The following TCF4 variants were observed in gnomAD, a reference collection of about 807,000 sequenced individuals.
TCF4 encodes the protein SL3-3 enhancer factor 2.
Under a neutral mutation model 82.1 loss-of-function variants are expected in TCF4, and 3 were observed. That is an observed-to-expected ratio of 0.04 (90% CI 0.02 to 0.09). The LOEUF (loss-of-function observed/expected upper bound fraction) is 0.09, where lower values mean the gene tolerates loss of function less well. Among genes scored for constraint, TCF4 ranks in the 10% least tolerant of loss-of-function variants. The probability of loss-of-function intolerance (pLI) is 1.00; values close to 1 mark genes in which losing one functional copy is unlikely to be tolerated. For synonymous variants in TCF4, 276 were observed against 309.6 expected (o/e 0.89, Z 1.14); for missense variants, 518 against 852.7 (o/e 0.61, Z 4.89).
intron 2 of TCF4, among the ~76,000 whole-genome samples, chr18:55,617,649 C>A (rs2097713406): frequency 6.6e-6 from 1 of 151,960 alleles, no homozygotes. Context: ...TCTGTCACTT[C>A]CTTGGTTATG....
intron 8 of TCF4, among the ~76,000 whole-genome samples, chr18:55,322,723 C>T (rs1371724818): frequency 6.6e-6 from 1 of 152,246 alleles, no homozygotes; most frequent in African/African-American, 2.4e-5. Flanking sequence ...CAAGGGCGCA[C>T]GTTCTCCACT....
intron 15 of TCF4, among the ~76,000 whole-genome samples, chr18:55,254,155 T>G (rs1568468147): frequency 6.6e-6 from 1 of 152,208 alleles, no homozygotes; most frequent in Admixed American, 6.5e-5. Context: ...ATTCCATATA[T>G]TCAAAATATC....
At chr18:55,460,894 T>C (rs1346856929) in intron 5 of TCF4, 125 bp downstream of exon 5, 2 of 804,862 alleles carry the variant, frequency 2.5e-6, no homozygotes, top group Non-Finnish European at 4.2e-6. Flanking sequence ...TTTAAGATTA[T>C]TACAAGTGAA....
rs544410120 is a variant in TCF4, at chr18:55,388,889, C to T, written c.369+14565G>A. Among the ~76,000 whole-genome samples, 12 of 152,052 alleles carry T rather than the reference C, an allele frequency of 7.9e-5. No homozygotes were observed. The South Asian group carries it at 2.3e-3, about 29-fold the overall frequency. ...CTGTAATCTCAGCACTTTGGGAGGC[C>T]GAGGCGGGTGGATCACGAGGTCAGG... On this transcript the variant is annotated intron_variant, in intron 6 of 19. Coordinates refer to ENST00000354452, the MANE Select transcript of TCF4 (RefSeq NM_001083962.2).
At chr18:55,263,151 A>T (rs906297705) in intron 11 of TCF4, among the ~76,000 whole-genome samples, 1 of 152,130 alleles carries the variant, frequency 6.6e-6, no homozygotes, top group Non-Finnish European at 1.5e-5. Context: ...ACCCACACCC[A>T]TATTTATTTG....
rs537779499 is a variant in TCF4 at position 55,251,776 on chromosome 18, T to G, written c.1350+2721A>C. ...GAATGAGACTCTCACCAGTGCTCTCTGCTGAAGTTTCCGGTGCATACCTCC... is the reference window on the plus strand; with the variant it reads ...GAATGAGACTCTCACCAGTGCTCTCGGCTGAAGTTTCCGGTGCATACCTCC... On this transcript the variant is annotated intron_variant, in intron 15 of 19. Transcript: ENST00000354452. Among the ~76,000 whole-genome samples, 3 of 152,336 alleles carry G rather than the reference T, an allele frequency of 2.0e-5. No individual in the cohort carries two copies. In the East Asian group the frequency reaches 5.8e-4, roughly 29 times the overall value.
intron 5 of TCF4, among the ~76,000 whole-genome samples, chr18:55,412,617 G>A (rs922572132): frequency 6.6e-6 from 1 of 152,114 alleles, no homozygotes; most frequent in African/African-American, 2.4e-5. Flanking sequence ...TTCTGTGGAG[G>A]CATGACAAGT....
chr18:55,257,215 A>T, intron 14 of TCF4, 100 bp downstream of exon 14: 1 of 1,241,268 alleles, frequency 8.1e-7, no homozygotes, highest in Non-Finnish European at 1.2e-6. Flanking sequence ...ACTTAAAGTT[A>T]CTAACAGGGA....
At chr18:55,601,357 A>C (rs945018900) in intron 2 of TCF4, among the ~76,000 whole-genome samples, 1 of 152,046 alleles carries the variant, frequency 6.6e-6, no homozygotes, top group Non-Finnish European at 1.5e-5. Context: ...GACCAGATTC[A>C]CATTCCAAAG....
chr18:55,434,796 G>GTGTGTA (rs1469947502), intron 5 of TCF4, among the ~76,000 whole-genome samples: 1 of 150,590 alleles, frequency 6.6e-6, no homozygotes, highest in African/African-American at 2.4e-5. Flanking sequence ...GTGTGTGTGT[G>GTGTGTA]TATTTTAATT....
intron 3 of TCF4, among the ~76,000 whole-genome samples, chr18:55,545,446 TTG>T (rs1288914302): frequency 2.0e-5 from 3 of 152,014 alleles, no homozygotes; most frequent in Non-Finnish European, 4.4e-5. Context: ...TTTTTTTGTT[TTG>T]TTTTGTTTTT....
At chr18:55,252,323 T>C (rs1479676766) in intron 15 of TCF4, among the ~76,000 whole-genome samples, 1 of 151,800 alleles carries the variant, frequency 6.6e-6, no homozygotes, top group Non-Finnish European at 1.5e-5. Flanking sequence ...AACAGGAACT[T>C]ATCCTTATCA....
At chr18:55,263,323 C>T (rs2058436117) in intron 11 of TCF4, among the ~76,000 whole-genome samples, 1 of 152,014 alleles carries the variant, frequency 6.6e-6, no homozygotes, top group Non-Finnish European at 1.5e-5. Context: ...AAATGAGGGT[C>T]TGACATCATA....
chr18:55,334,866 T>C (rs1162399393), intron 8 of TCF4, among the ~76,000 whole-genome samples: 3 of 152,224 alleles, frequency 2.0e-5, no homozygotes, highest in Non-Finnish European at 4.4e-5. Context: ...TTAAATGGCT[T>C]AATATCTAAA....
intron 15 of TCF4, among the ~76,000 whole-genome samples, chr18:55,251,615 T>G (rs905325185): frequency 6.6e-6 from 1 of 152,162 alleles, no homozygotes; most frequent in African/African-American, 2.4e-5. Context: ...TTCAGAGCTG[T>G]CTACTCTTTA....
intron 5 of TCF4, among the ~76,000 whole-genome samples, chr18:55,458,771 A>T (rs1192015104): frequency 6.6e-6 from 1 of 152,184 alleles, no homozygotes. Flanking sequence ...TCTTAAAAAA[A>T]TTATTCTTCT....
chr18:55,574,540 T>C (rs1475146965), intron 3 of TCF4, among the ~76,000 whole-genome samples: 1 of 152,214 alleles, frequency 6.6e-6, no homozygotes, highest in Non-Finnish European at 1.5e-5. Flanking sequence ...AATTAAATCA[T>C]GTTGGCCAGG....
At chr18:55,573,691 GC>G (rs2097499606) in intron 3 of TCF4, among the ~76,000 whole-genome samples, 1 of 152,146 alleles carries the variant, frequency 6.6e-6, no homozygotes, top group South Asian at 2.1e-4. Flanking sequence ...TGATCTCTGA[GC>G]CCTTCCTGAC....
chr18:55,430,896 A>G (rs2095170635), intron 5 of TCF4, among the ~76,000 whole-genome samples: 1 of 152,182 alleles, frequency 6.6e-6, no homozygotes, highest in Admixed American at 6.5e-5. Context: ...TCATCCCAGG[A>G]GATTTGAAGT....
Sources: allele counts gnomAD v4.1 joint callset (sites outside exome capture counted in the v4.1 genomes callset), GRCh38; gene constraint gnomAD v4.1.1; transcripts MANE v1.5; gene names NCBI Gene and HGNC (gene_info 2026-07-23, HGNC 2026-07-21).